The following PUM3 variants were observed in gnomAD, a reference collection of about 807,000 sequenced individuals.
PUM3 encodes pumilio RNA binding family member 3, also known as pumilio homolog 3.
Under a neutral mutation model 84.0 loss-of-function variants are expected in PUM3, and 91 were observed. The observed-to-expected ratio is 1.08, with a 90% CI of 0.91 to 1.29. The LOEUF is 1.29. Among genes scored for constraint, PUM3 ranks in the 50% most tolerant of loss-of-function variants. The pLI is 0.00. For missense variants in PUM3, 1,067 were observed against 767.5 expected, an observed-to-expected ratio of 1.39 and a Z score of -4.61; for synonymous variants, 321 against 266.7, an observed-to-expected ratio of 1.20 and a Z score of -1.98.
rs182582393 is a variant in PUM3, at chr9:2,818,697, G to A, written c.1269+1321C>T. On this transcript the variant is annotated intron_variant, in intron 13 of 17. Transcript: ENST00000397885. ...TGTCAAAATACTCAGTTTGTAACAT[G>A]AAAGTCTTGCCAACTTGTTTCTTCC... is the stretch of plus-strand genomic sequence containing the variant. Among the ~76,000 whole-genome samples, 1,461 of 152,294 alleles carry A rather than the reference G, an allele frequency of 9.6e-3. 17 individuals carry two copies. The highest frequency in any genetic ancestry group is 0.037 in the Middle Eastern group (11 of 294).
intron 12 of PUM3, among the ~76,000 whole-genome samples, chr9:2,821,443 CAAAA>C (rs572752267): frequency 0.031 from 1,565 of 50,140 alleles, 68 homozygotes; most frequent in Middle Eastern, 0.12. Flanking sequence ...GACTCTGTCT[CAAAA>C]AAAAAAAAAA....
chr9:2,812,035 C>A (rs886325405), intron 14 of PUM3, among the ~76,000 whole-genome samples, 185 bp downstream of exon 14: 2 of 152,030 alleles, frequency 1.3e-5, no homozygotes, highest in Non-Finnish European at 2.9e-5. Flanking sequence ...TCTTTTGGCA[C>A]GACACTTTTA....
intron 3 of PUM3, among the ~76,000 whole-genome samples, chr9:2,836,519 C>T (rs988081836): frequency 3.9e-5 from 6 of 152,150 alleles, no homozygotes; most frequent in African/African-American, 9.7e-5. Flanking sequence ...CAGACAAGCA[C>T]GAGACCTGCC....
chr9:2,813,834 G>C (rs561041699), intron 13 of PUM3, among the ~76,000 whole-genome samples: 3 of 152,200 alleles, frequency 2.0e-5, no homozygotes, highest in South Asian at 2.1e-4. Flanking sequence ...AGTATAGCAT[G>C]CTTCTGATAA....
At chr9:2,825,931 T>C (rs1256404455) in intron 10 of PUM3, among the ~76,000 whole-genome samples, 1 of 152,148 alleles carries the variant, frequency 6.6e-6, no homozygotes, top group African/African-American at 2.4e-5. Context: ...GTGCCTAATT[T>C]CATCAATAAG....
chr9:2,806,775 T>C lies in PUM3; in HGVS notation c.1814+1039A>G, dbSNP rs373048316. Among the ~76,000 whole-genome samples the C allele has an allele frequency of 7.9e-5, 12 of 152,178 alleles. No individual in the cohort carries two copies. The East Asian group carries it at 2.3e-3, about 29-fold the overall frequency. ...TCATTTTAAGTCAGATATCAACAAA[T>C]AGCACACACACTTCAGTAGCAAATG... is the stretch of plus-strand genomic sequence containing the variant. On this transcript the variant is annotated intron_variant, in intron 17 of 17. Transcript: ENST00000397885.
intron 2 of PUM3, 123 bp from the exon 3 acceptor site, chr9:2,837,524 T>G (rs1816160548): frequency 1.6e-6 from 1 of 642,466 alleles, no homozygotes; most frequent in Non-Finnish European, 2.7e-6. Context: ...CTCTCAAATA[T>G]GCAACATATA....
At chr9:2,810,272 A>G in intron 16 of PUM3, 72 bp downstream of exon 16, 1 of 994,416 alleles carries the variant, frequency 1.0e-6, no homozygotes, top group African/African-American at 1.6e-5. Context: ...TGGCTGGTAT[A>G]AAGTTCAGGG....
chr9:2,804,271 A>G lies in PUM3; in HGVS notation c.*60T>C. 6.4e-7 allele frequency: 1 copy of G among 1,560,222 alleles called. No homozygotes were observed. Among genetic ancestry groups the G allele is most frequent in the Non-Finnish European group, 8.7e-7 (1 of 1,148,660 alleles). On this transcript the variant is annotated 3_prime_UTR_variant, in exon 18 of 18. Transcript: ENST00000397885. ...GTGGACCCTACCCCTTCTTTTCTGCATTGGGAAACAGAACAGAGAACAGAA... is the reference window on the plus strand; with the variant it reads ...GTGGACCCTACCCCTTCTTTTCTGCGTTGGGAAACAGAACAGAGAACAGAA...
At chr9:2,827,748 C>T (rs540140987) in intron 9 of PUM3, among the ~76,000 whole-genome samples, 16 of 152,286 alleles carry the variant, frequency 1.1e-4, no homozygotes, top group African/African-American at 3.6e-4. Flanking sequence ...ACTAACACTG[C>T]CTTTATGGGC....
At chr9:2,822,563 T>G (rs1815679948) in intron 12 of PUM3, among the ~76,000 whole-genome samples, 1 of 151,610 alleles carries the variant, frequency 6.6e-6, no homozygotes, top group South Asian at 2.1e-4. Flanking sequence ...CAATATAATT[T>G]TATTATTTTA....
At position 2,804,946 on chromosome 9, in the gene PUM3, G is replaced by T. The variant is rs552883841; in HGVS notation, c.1815-483C>A. 2.2e-4 allele frequency among the ~76,000 whole-genome samples: 34 copies of T among 152,304 alleles called. No individual in the cohort carries two copies. The South Asian group carries it at 6.6e-3, about 30-fold the overall frequency. Reference sequence around the variant, plus strand: ...AGGCACAGAGAGGTCAGAGTTAGCAGGTCTTCTCACTGAACTCCACAGCAC... The same window carrying T: ...AGGCACAGAGAGGTCAGAGTTAGCATGTCTTCTCACTGAACTCCACAGCAC... On this transcript the variant is annotated intron_variant, in intron 17 of 17. Transcript: ENST00000397885.
intron 5 of PUM3, among the ~76,000 whole-genome samples, chr9:2,833,030 C>G (rs138945185): frequency 6.6e-6 from 1 of 152,132 alleles, no homozygotes; most frequent in Admixed American, 6.5e-5. Flanking sequence ...TGAGAACATA[C>G]TAAATTATAT....
At chr9:2,816,540 C>T (rs1359607305) in intron 13 of PUM3, among the ~76,000 whole-genome samples, 1 of 152,146 alleles carries the variant, frequency 6.6e-6, no homozygotes, top group East Asian at 1.9e-4. Context: ...AAAAAGAAAA[C>T]AAATGTGAAG....
rs201059766 is a variant in PUM3 at position 2,829,790 on chromosome 9, G to A, written c.836C>T (p.Thr279Ile). 4.5e-5 allele frequency: 73 copies of A among 1,612,112 alleles called. No individual in the cohort carries two copies. The Middle Eastern group carries it at 4.9e-4, about 11-fold the overall frequency. ...NMLTEELYGN[T>I]FQLYKSADHR... Reference sequence around the variant, plus strand: ...AGATGTCACCTTGTAAAGCTGAAATGTGTTCCCATAGAGCTCTTCCGTCAG... The same window carrying A: ...AGATGTCACCTTGTAAAGCTGAAATATGTTCCCATAGAGCTCTTCCGTCAG... The change falls in exon 8 of 18, where the codon ACA (threonine) becomes ATA (isoleucine). Residue 279 changes from threonine (T) to isoleucine (I), a missense_variant. Coordinates refer to ENST00000397885, the MANE Select transcript of PUM3 (RefSeq NM_014878.5).
chr9:2,829,449 G>T (rs1017556168), intron 8 of PUM3, among the ~76,000 whole-genome samples: 1 of 152,192 alleles, frequency 6.6e-6, no homozygotes, highest in African/African-American at 2.4e-5. Context: ...GTTGGGGGTG[G>T]TCACACAACT....
intron 8 of PUM3, among the ~76,000 whole-genome samples, chr9:2,829,431 C>T (rs1815912069): frequency 6.6e-6 from 1 of 152,204 alleles, no homozygotes; most frequent in African/African-American, 2.4e-5. Context: ...ACACTTCAGC[C>T]AGAGCTGGTT....
chr9:2,839,823 G>T (rs1323300780), intron 1 of PUM3, among the ~76,000 whole-genome samples: 1 of 152,108 alleles, frequency 6.6e-6, no homozygotes, highest in Non-Finnish European at 1.5e-5. Flanking sequence ...TGTTTTCTCT[G>T]TATGTTTGTT....
chr9:2,837,184 G>T lies in PUM3; in HGVS notation c.300C>A (p.Ser100Arg), dbSNP rs773508342. 1.2e-6 allele frequency: 2 copies of T among 1,613,710 alleles called. No homozygotes were observed. Among genetic ancestry groups the T allele is most frequent in the African/African-American group, 2.7e-5 (2 of 75,024 alleles). ...CATGAACGAACCAGTACTTACCATC[G>T]CTTCTACCATCTGGCTGGAATTTTC... ...KKRKFQPDGRSDESAAKKPKW... is the reference protein window; with the variant it reads ...KKRKFQPDGRRDESAAKKPKW... The change falls in exon 3 of 18, where the codon AGC becomes AGA. Residue 100 changes from serine (S) to arginine (R), a missense_variant. Physicochemically the swap from Ser to Arg is moderately radical, Grantham distance 110 (BLOSUM62 -1). Transcript: ENST00000397885.
Sources: allele counts gnomAD v4.1 joint callset (sites outside exome capture counted in the v4.1 genomes callset), GRCh38; gene constraint gnomAD v4.1.1; transcripts MANE v1.5; gene names NCBI Gene and HGNC (gene_info 2026-07-23, HGNC 2026-07-21).